Variants in OOEP observed in about 807,000 individuals in gnomAD.
OOEP encodes oocyte-expressed protein homolog.
A neutral mutation model predicts 13.7 loss-of-function variants in OOEP; 16 were observed. The ratio of observed to expected loss-of-function variants is 1.16; its 90% CI spans 0.79 to 1.77. The LOEUF is 1.77. Ranked by LOEUF, OOEP falls within the 40% of genes most tolerant of loss-of-function variation. The pLI is 0.00. For synonymous variants in OOEP, 89 were observed against 77.1 expected, an observed-to-expected ratio of 1.15 and a Z score of -0.81; for missense variants, 195 against 193.1, an observed-to-expected ratio of 1.01 and a Z score of -0.06.
exon 1 of OOEP, chr6:73,394,770 G>A: frequency 1.6e-6 from 2 of 1,287,338 alleles, no homozygotes; most frequent in Non-Finnish European, 2.1e-6. Context: ...AGAGAGCGTG[G>A]GCGGGGGGGC....
Position 73,369,880 on chromosome 6 carries a change from C to T in OOEP, c.-88G>A. 8.0e-7 allele frequency: 1 copy of T among 1,245,064 alleles called. No homozygotes were observed. Among genetic ancestry groups the T allele is most frequent in the Non-Finnish European group, 1.1e-6 (1 of 879,388 alleles). 77.1% of individuals were successfully genotyped at this position (1,245,064 alleles called of 1,614,324 possible). Reference sequence around the variant, plus strand: ...GGCGCGAAGCTCGGGCTCTCTTTTACCATATTCGACCCGCTCCGCCCCTTC... The same window carrying T: ...GGCGCGAAGCTCGGGCTCTCTTTTATCATATTCGACCCGCTCCGCCCCTTC... On this transcript the variant is annotated 5_prime_UTR_variant, in exon 1 of 3. Transcript: ENST00000370359.
At chr6:73,371,539 G>A (rs1297705758), upstream of OOEP, among the ~76,000 whole-genome samples, 8 of 150,454 alleles carry the variant, frequency 5.3e-5, no homozygotes, top group African/African-American at 1.7e-4. Flanking sequence ...ACCTGAGGTC[G>A]GGAGTTCGAG....
chr6:73,375,788 TC>T (rs1051488656), intron 2 of OOEP, among the ~76,000 whole-genome samples: 3 of 110,014 alleles, frequency 2.7e-5, no homozygotes, highest in African/African-American at 1.0e-4. Flanking sequence ...CATAATGATC[TC>T]CCTTTTTTTT....
At chr6:73,379,023 T>C (rs565054862) in intron 2 of OOEP, among the ~76,000 whole-genome samples, 1 of 152,102 alleles carries the variant, frequency 6.6e-6, no homozygotes, top group East Asian at 1.9e-4. Context: ...TGAAAAATGA[T>C]TATGATTATG....
intron 2 of OOEP, among the ~76,000 whole-genome samples, chr6:73,376,130 CATT>C (rs1207253666): frequency 2.0e-5 from 3 of 152,130 alleles, no homozygotes; most frequent in African/African-American, 4.8e-5. Flanking sequence ...CAGTGAGAAA[CATT>C]ATTCTCTAAA....
At chr6:73,374,988 G>A (rs899546411) in intron 2 of OOEP, among the ~76,000 whole-genome samples, 5 of 151,996 alleles carry the variant, frequency 3.3e-5, no homozygotes, top group Non-Finnish European at 7.4e-5. Context: ...ATCCATTCCC[G>A]GCTAATTTTT....
upstream of OOEP, among the ~76,000 whole-genome samples, chr6:73,370,419 A>T (rs1407613194): frequency 2.6e-5 from 4 of 152,116 alleles, no homozygotes; most frequent in African/African-American, 9.7e-5. Flanking sequence ...CCAGTATCCT[A>T]AGACAACCAT....
upstream of OOEP, chr6:73,373,029 G>A: frequency 8.6e-7 from 1 of 1,159,300 alleles, no homozygotes; most frequent in African/African-American, 1.5e-5. Context: ...AGATAGTGGT[G>A]ACATTTTCAG....
At chr6:73,371,715 A>C (rs1048950250), upstream of OOEP, among the ~76,000 whole-genome samples, 2 of 151,382 alleles carry the variant, frequency 1.3e-5, no homozygotes, top group Admixed American at 1.3e-4. Context: ...ACACCATTGC[A>C]CTCCAGCCTG....
At chr6:73,373,084 G>A (rs1769085534), upstream of OOEP, 1 of 1,559,040 alleles carries the variant, frequency 6.4e-7, no homozygotes, top group African/African-American at 1.4e-5. Flanking sequence ...GCATAAATAT[G>A]TGTGCCATCT....
intron 2 of OOEP, among the ~76,000 whole-genome samples, chr6:73,387,868 A>G (rs1052144639): frequency 1.3e-5 from 2 of 152,060 alleles, no homozygotes; most frequent in Non-Finnish European, 2.9e-5. Context: ...CAACATTAGA[A>G]TTTTATTTTA....
chr6:73,380,614 G>A (rs1769193132), intron 2 of OOEP, among the ~76,000 whole-genome samples: 1 of 152,178 alleles, frequency 6.6e-6, no homozygotes, highest in African/African-American at 2.4e-5. Flanking sequence ...CAAGTTTGAT[G>A]TGGGTGGTTG....
chr6:73,393,103 GAA>G (rs55888271), intron 2 of OOEP, among the ~76,000 whole-genome samples: 2 of 145,974 alleles, frequency 1.4e-5, no homozygotes, highest in Non-Finnish European at 1.5e-5. Flanking sequence ...TGATTGAACT[GAA>G]AAAAAAAAAA....
At position 73,369,272 on chromosome 6, in the gene OOEP, C is replaced by T; in HGVS notation, c.304G>A (p.Val102Ile). 3 of 1,613,948 alleles carry T rather than the reference C, an allele frequency of 1.9e-6. No homozygotes were observed. Among genetic ancestry groups the T allele is most frequent in the Non-Finnish European group, 2.5e-6 (3 of 1,179,886 alleles). ...AGCATGCTCTTCACCCGATTCTGTA[C>T]ACGGGGCCGCCCGAAAACGGTGATT... ...VEITVFGRPR[V>I]QNRVKSMLLC... Residue 102 changes from valine to isoleucine, a missense_variant, in exon 2 of 3, where the codon GTA becomes ATA. Physicochemically the swap from Val to Ile is conservative, Grantham distance 29 (BLOSUM62 3). Transcript: ENST00000370359.
At chr6:73,387,173 G>A (rs1458560569) in intron 2 of OOEP, among the ~76,000 whole-genome samples, 1 of 151,474 alleles carries the variant, frequency 6.6e-6, no homozygotes, top group Non-Finnish European at 1.5e-5. Flanking sequence ...AAATTAGTAA[G>A]TCAGAGTCCA....
At chr6:73,373,267 G>A (rs989302190), upstream of OOEP, 3 of 1,603,222 alleles carry the variant, frequency 1.9e-6, no homozygotes, top group East Asian at 2.2e-5. Context: ...AAGACATGGC[G>A]AGCAGCGGAG....
chr6:73,369,450 G>C, intron 1 of OOEP, 65 bp from the exon 2 acceptor site: 1 of 1,548,404 alleles, frequency 6.5e-7, no homozygotes, highest in Middle Eastern at 1.7e-4. Flanking sequence ...GATTTGAAGG[G>C]AATGTTGGCC....
At chr6:73,372,909 T>C (rs1004852096), upstream of OOEP, among the ~76,000 whole-genome samples, 4 of 71,672 alleles carry the variant, frequency 5.6e-5, no homozygotes, top group Non-Finnish European at 9.7e-5. Context: ...TTTTCTTTCC[T>C]TTTTTTTTTT....
chr6:73,394,713 G>T, intron 1 of OOEP: 1 of 780,414 alleles, frequency 1.3e-6, no homozygotes, highest in Non-Finnish European at 2.0e-6. Flanking sequence ...CGCCCACAAC[G>T]CTCACTGGCC....
Sources: gnomAD v4.1 joint callset for allele counts (sites outside exome capture counted in the v4.1 genomes callset) on GRCh38, gnomAD v4.1.1 for gene constraint, MANE v1.5 for transcripts, NCBI Gene and HGNC (gene_info 2026-07-23, HGNC 2026-07-21) for gene names.